The following ZC3H12B variants were observed in gnomAD, a reference collection of about 807,000 sequenced individuals.
ZC3H12B encodes zinc finger CCCH-type containing 12B.
ZC3H12B carries 7 observed loss-of-function variants against 43.9 expected under a neutral mutation model. The observed-to-expected ratio is 0.16, with a 90% CI of 0.09 to 0.30. The LOEUF (loss-of-function observed/expected upper bound fraction) is 0.30. ZC3H12B is among the 10% of genes least tolerant of loss of function. ZC3H12B has a pLI of 1.00. For missense variants in ZC3H12B, 475 were observed against 670.2 expected, an observed-to-expected ratio of 0.71 and a Z score of 3.22; for synonymous variants, 222 against 241.7, an observed-to-expected ratio of 0.92 and a Z score of 0.76.
At chrX:65,358,065 G>C in the ZC3H12B span, among the ~76,000 whole-genome samples, 1 of 108,264 alleles carries the variant, frequency 9.2e-6, no homozygotes, top group Non-Finnish European at 1.9e-5. Context: ...TGATAAAGCA[G>C]ATATTAAACC....
the ZC3H12B span, among the ~76,000 whole-genome samples, chrX:65,117,091 G>A: frequency 2.7e-5 from 3 of 111,827 alleles, no homozygotes; most frequent in Admixed American, 9.5e-5. Flanking sequence ...GGGATGGCTG[G>A]GTCAAATGGT....
intron 2 of ZC3H12B, among the ~76,000 whole-genome samples, chrX:65,396,993 A>G (rs1158708643): frequency 9.0e-6 from 1 of 111,280 alleles, no homozygotes; most frequent in East Asian, 2.8e-4. Flanking sequence ...TGTTGGTTTA[A>G]AGTCTGCTTT....
At chrX:65,100,918 C>A in the ZC3H12B span, among the ~76,000 whole-genome samples, 1 of 111,630 alleles carries the variant, frequency 9.0e-6, no homozygotes, top group Non-Finnish European at 1.9e-5. Context: ...ACATAACTCT[C>A]CACCCCAAAT....
the ZC3H12B span, among the ~76,000 whole-genome samples, chrX:65,079,300 G>T: frequency 7.7e-4 from 87 of 112,870 alleles, no homozygotes; most frequent in Non-Finnish European, 8.4e-4. Flanking sequence ...GGACCTCACT[G>T]CCCTGAAGGG....
chrX:65,131,386 C>G, the ZC3H12B span, among the ~76,000 whole-genome samples: 1 of 111,193 alleles, frequency 9.0e-6, no homozygotes, highest in Admixed American at 9.6e-5. Flanking sequence ...CAGCCCAAAA[C>G]AGTAAGGTTA....
the ZC3H12B span, among the ~76,000 whole-genome samples, chrX:65,171,289 G>C: frequency 9.0e-6 from 1 of 111,212 alleles, no homozygotes; most frequent in Non-Finnish European, 1.9e-5. Context: ...AGGTCTGTTG[G>C]AGTTTGCTGC....
chrX:65,282,320 AAACAAC>A, the ZC3H12B span, among the ~76,000 whole-genome samples: 1 of 111,256 alleles, frequency 9.0e-6, no homozygotes, highest in Admixed American at 9.6e-5. Flanking sequence ...AGAAAACCAA[AAACAAC>A]AACAACAACA....
intron 1 of ZC3H12B, among the ~76,000 whole-genome samples, chrX:65,492,008 TAAGA>T (rs1312278168): frequency 1.8e-5 from 2 of 110,845 alleles, no homozygotes; most frequent in Non-Finnish European, 3.8e-5. Flanking sequence ...CTAACAGGCA[TAAGA>T]AAGAGTGATT....
At chrX:65,066,837 C>T in the ZC3H12B span, among the ~76,000 whole-genome samples, 3 of 111,878 alleles carry the variant, frequency 2.7e-5, no homozygotes, top group South Asian at 1.1e-3. Flanking sequence ...GATGACTTGC[C>T]CCGTGTGTAG....
At chrX:65,211,230 C>T in the ZC3H12B span, among the ~76,000 whole-genome samples, 8 of 108,777 alleles carry the variant, frequency 7.4e-5, no homozygotes, top group Non-Finnish European at 1.1e-4. Context: ...GGATAGATTG[C>T]GAAAATTTTC....
At chrX:65,089,847 A>G in the ZC3H12B span, among the ~76,000 whole-genome samples, 20 of 111,469 alleles carry the variant, frequency 1.8e-4, no homozygotes, top group Admixed American at 1.8e-3. Context: ...GGATCAAGAT[A>G]ATCAGTTTCA....
chrX:65,231,214 C>T, the ZC3H12B span, among the ~76,000 whole-genome samples: 10 of 110,383 alleles, frequency 9.1e-5, no homozygotes, highest in Admixed American at 7.8e-4. Context: ...AGGGGGTGTA[C>T]GAATAGGGAG....
the ZC3H12B span, among the ~76,000 whole-genome samples, chrX:65,088,999 G>T: frequency 9.0e-6 from 1 of 111,646 alleles, no homozygotes; most frequent in Admixed American, 9.5e-5. Flanking sequence ...AATATATTTA[G>T]AACAGTTCCT....
the ZC3H12B span, among the ~76,000 whole-genome samples, chrX:65,252,349 T>A: frequency 9.0e-6 from 1 of 111,426 alleles, no homozygotes; most frequent in South Asian, 3.7e-4. Context: ...AGTATTTTAT[T>A]GAGGATTTTT....
At chrX:65,375,495 A>G (rs1269534010) in intron 2 of ZC3H12B, among the ~76,000 whole-genome samples, 1 of 111,617 alleles carries the variant, frequency 9.0e-6, no homozygotes, top group Non-Finnish European at 1.9e-5. Context: ...ATCGCGCCCA[A>G]CCCTTGACAG....
At chrX:65,406,566 A>AG (rs1569396762) in intron 3 of ZC3H12B, among the ~76,000 whole-genome samples, 2,573 of 88,135 alleles carry the variant, frequency 0.029, 157 homozygotes, top group African/African-American at 0.089. Flanking sequence ...TCGGGGCTGA[A>AG]CGGGGCTGGG....
chrX:65,152,053 A>C, the ZC3H12B span, among the ~76,000 whole-genome samples: 1 of 111,975 alleles, frequency 8.9e-6, no homozygotes, highest in Non-Finnish European at 1.9e-5. Context: ...AAAAACTCTC[A>C]ATAAATTAGG....
At chrX:65,097,439 G>T in the ZC3H12B span, among the ~76,000 whole-genome samples, 2 of 111,593 alleles carry the variant, frequency 1.8e-5, no homozygotes, top group Non-Finnish European at 3.8e-5. Flanking sequence ...AGTTTATATA[G>T]TTGTTGGTTT....
At chrX:65,085,019 A>G in the ZC3H12B span, among the ~76,000 whole-genome samples, 5 of 112,211 alleles carry the variant, frequency 4.5e-5, no homozygotes, top group Non-Finnish European at 7.5e-5. Context: ...AACGACAAAC[A>G]TCACATGTTC....
Sources: gnomAD v4.1 joint callset for allele counts (sites outside exome capture counted in the v4.1 genomes callset) on GRCh38, gnomAD v4.1.1 for gene constraint, MANE v1.5 for transcripts, NCBI Gene and HGNC (gene_info 2026-07-23, HGNC 2026-07-21) for gene names.